Variants in NANOS3 observed in about 807,000 individuals in gnomAD.
NANOS3 encodes nanos homolog 3.
Under a neutral mutation model 13.8 loss-of-function variants are expected in NANOS3, and 11 were observed. The ratio of observed to expected loss-of-function variants is 0.80; its 90% CI spans 0.50 to 1.32. The LOEUF is 1.32. NANOS3 is among the 40% of genes most tolerant of loss of function. The pLI is 0.00. For synonymous variants in NANOS3, 119 were observed against 115.4 expected, an observed-to-expected ratio of 1.03 and a Z score of -0.20; for missense variants, 221 against 263.8, an observed-to-expected ratio of 0.84 and a Z score of 1.12.
intron 1 of NANOS3, among the ~76,000 whole-genome samples, chr19:13,870,637 G>A (rs975349251): frequency 2.8e-5 from 4 of 140,886 alleles, no homozygotes; most frequent in East Asian, 2.1e-4. Context: ...GCTCAATCTC[G>A]GCTCACTGCA....
chr19:13,869,194 T>G (rs1446582376), intron 1 of NANOS3, among the ~76,000 whole-genome samples: 3 of 152,170 alleles, frequency 2.0e-5, no homozygotes, highest in Non-Finnish European at 4.4e-5. Flanking sequence ...ATTTGTTTTT[T>G]GTAGAGATGA....
At chr19:13,863,349 A>G (rs1345153018), upstream of NANOS3, among the ~76,000 whole-genome samples, 3 of 151,978 alleles carry the variant, frequency 2.0e-5, no homozygotes, top group East Asian at 1.9e-4. Flanking sequence ...AGCTGGGACT[A>G]TAGGCGCTCA....
intron 1 of NANOS3, among the ~76,000 whole-genome samples, chr19:13,868,571 C>T (rs1193537382): frequency 6.6e-6 from 1 of 151,638 alleles, no homozygotes; most frequent in East Asian, 2.0e-4. Flanking sequence ...GTCTCAGGTA[C>T]TAGGGAGGCT....
In NANOS3 at chr19:13,877,209, G is replaced by A. The variant is rs755796813; in HGVS notation, c.-40G>A. ...GAGCTTAAGCCAGGCAGGGTTACTT[G>A]TCTCTGTGACTCCTTCCGCCTGGCA... is the stretch of plus-strand genomic sequence containing the variant. On this transcript the variant is annotated 5_prime_UTR_variant, in exon 1 of 2. Coordinates refer to ENST00000339133, the MANE Select transcript of NANOS3 (RefSeq NM_001098622.3). 1.3e-6 allele frequency: 2 copies of A among 1,547,470 alleles called. No homozygotes were observed. The highest frequency in any genetic ancestry group is 1.8e-6 in the Non-Finnish European group (2 of 1,134,316).
chr19:13,874,027 C>G (rs899850337), upstream of NANOS3, among the ~76,000 whole-genome samples: 21 of 152,218 alleles, frequency 1.4e-4, no homozygotes, highest in African/African-American at 5.1e-4. Context: ...AGGGGCAGCC[C>G]CCACGTGGCT....
At chr19:13,865,879 G>A (rs926804622) in intron 1 of NANOS3, among the ~76,000 whole-genome samples, 18 of 151,930 alleles carry the variant, frequency 1.2e-4, no homozygotes, top group Non-Finnish European at 2.2e-4. Context: ...TGGGGGCGCG[G>A]GGCGGGTGGG....
chr19:13,874,602 T>C (rs956574960), upstream of NANOS3: 1 of 433,210 alleles, frequency 2.3e-6, no homozygotes, highest in African/African-American at 2.0e-5. Context: ...AGCGTTTGTT[T>C]ATTTCATGAG....
intron 1 of NANOS3, among the ~76,000 whole-genome samples, chr19:13,869,450 G>A (rs1189399588): frequency 1.3e-5 from 2 of 152,074 alleles, no homozygotes; most frequent in Admixed American, 6.6e-5. Context: ...CCCACCCACC[G>A]CCCACGGGCT....
chr19:13,873,216 C>T (rs540259833), upstream of NANOS3, among the ~76,000 whole-genome samples: 310 of 142,810 alleles, frequency 2.2e-3, 2 homozygotes, highest in African/African-American at 7.8e-3. Context: ...CGACGGGGCT[C>T]TAAGGGGCAG....
chr19:13,877,849 C>T (rs1968551318), intron 1 of NANOS3, 84 bp downstream of exon 1: 9 of 1,468,980 alleles, frequency 6.1e-6, no homozygotes, highest in African/African-American at 1.4e-5. Flanking sequence ...CCAGTACCCA[C>T]CTCCAAGGGT....
At chr19:13,878,926 T>C (rs1968573862) in intron 1 of NANOS3, among the ~76,000 whole-genome samples, 1 of 151,606 alleles carries the variant, frequency 6.6e-6, no homozygotes, top group African/African-American at 2.4e-5. Flanking sequence ...AGTGAGGTTT[T>C]CTTTCTTTCT....
intron 1 of NANOS3, among the ~76,000 whole-genome samples, chr19:13,867,246 T>G (rs1976255906): frequency 6.6e-6 from 1 of 152,038 alleles, no homozygotes; most frequent in Non-Finnish European, 1.5e-5. Context: ...CGGCCACAGT[T>G]TCCTTTTTAT....
At chr19:13,870,531 G>A (rs574647463) in intron 1 of NANOS3, among the ~76,000 whole-genome samples, 1 of 151,306 alleles carries the variant, frequency 6.6e-6, no homozygotes, top group Non-Finnish European at 1.5e-5. Flanking sequence ...TGTGTGGGGG[G>A]GTGGGGGCAA....
At position 13,880,573 on chromosome 19, in the gene NANOS3, A is replaced by G; in HGVS notation, c.*70A>G. On this transcript the variant is annotated 3_prime_UTR_variant, in exon 2 of 2. Coordinates refer to ENST00000339133, the MANE Select transcript of NANOS3 (RefSeq NM_001098622.3). ...TTCCAGGAAGACCCACCCTATGACG[A>G]CTGCCCCCACTCCCAGACCCTCCCC... 3 of 1,313,278 alleles carry G rather than the reference A, an allele frequency of 2.3e-6. No homozygotes were observed. The highest frequency in any genetic ancestry group is 3.3e-6 in the Non-Finnish European group (3 of 910,444). 81.4% of individuals were successfully genotyped at this position (1,313,278 alleles called of 1,614,324 possible).
At chr19:13,875,468 T>C (rs560369864), upstream of NANOS3, among the ~76,000 whole-genome samples, 1 of 152,026 alleles carries the variant, frequency 6.6e-6, no homozygotes, top group Non-Finnish European at 1.5e-5. Flanking sequence ...ATTACAGGCA[T>C]GAGCCACTTT....
intron 1 of NANOS3, among the ~76,000 whole-genome samples, chr19:13,871,279 G>A (rs75254864): frequency 5.3e-5 from 8 of 152,234 alleles, no homozygotes; most frequent in East Asian, 1.9e-4. Flanking sequence ...GCAGGTGCAC[G>A]GGCTGGGCAG....
intron 1 of NANOS3, 45 bp downstream of exon 1, chr19:13,877,810 C>T: frequency 6.6e-7 from 1 of 1,510,480 alleles, no homozygotes. Flanking sequence ...AGGGTAGTGG[C>T]TGAGCCCCCC....
intron 1 of NANOS3, among the ~76,000 whole-genome samples, chr19:13,865,629 G>A (rs960191207): frequency 2.0e-5 from 3 of 149,714 alleles, no homozygotes; most frequent in Non-Finnish European, 3.0e-5. Context: ...GGGCGGGGAG[G>A]CCCCGGCGGC....
chr19:13,874,045 C>G (rs1352559133), upstream of NANOS3, among the ~76,000 whole-genome samples: 1 of 152,154 alleles, frequency 6.6e-6, no homozygotes, highest in East Asian at 1.9e-4. Flanking sequence ...GCTGCGCGGA[C>G]TCCCTCCGGA....
Sources: allele counts gnomAD v4.1 joint callset (sites outside exome capture counted in the v4.1 genomes callset), GRCh38; gene constraint gnomAD v4.1.1; transcripts MANE v1.5; gene names NCBI Gene and HGNC (gene_info 2026-07-23, HGNC 2026-07-21).